The following AXL variants were observed in gnomAD, a reference collection of about 807,000 sequenced individuals.
AXL encodes AXL receptor tyrosine kinase.
A neutral mutation model predicts 104.5 loss-of-function variants in AXL; 52 were observed. That is an observed-to-expected ratio of 0.50 (90% CI 0.40 to 0.63). The LOEUF is 0.63. AXL is among the 20% of genes least tolerant of loss of function. AXL has a pLI of 0.00. For missense variants in AXL, 1,024 were observed against 1,188.5 expected, an observed-to-expected ratio of 0.86 and a Z score of 2.04; for synonymous variants, 455 against 473.7, an observed-to-expected ratio of 0.96 and a Z score of 0.51.
At position 41,256,563 on chromosome 19, in the gene AXL, TG is replaced by T. The variant is rs749743364; in HGVS notation, c.2149del (p.Ala717ProfsTer5). On this transcript the variant is annotated frameshift_variant, in exon 18 of 20. Transcript: ENST00000301178. LOFTEE classifies it high-confidence loss of function. ...TCGCCAAGATGCCAGTCAAGTGGAT[TG>T]CCATTGAGAGTCTAGCTGACCGTGT... ...RIAKMPVKWI[A>X]IESLADRVYT... 6.8e-6 allele frequency: 11 copies of T among 1,614,208 alleles called. No individual in the cohort carries two copies. Among genetic ancestry groups the T allele is most frequent in the Non-Finnish European group, 9.3e-6 (11 of 1,180,030 alleles).
At position 41,219,255 on chromosome 19, in the gene AXL, A is replaced by C. The variant is rs1247976712; in HGVS notation, c.-138A>C. ...CGGCTGCTGGGCAGAGCCGGTGGCA[A>C]GGGCCTCCCCTGCCGCTGTGCCAGG... On this transcript the variant is annotated 5_prime_UTR_variant, in exon 1 of 20. Transcript: ENST00000301178. 5 of 776,132 alleles carry C rather than the reference A, an allele frequency of 6.4e-6. No homozygotes were observed. In the East Asian group the frequency reaches 1.4e-4, roughly 21 times the overall value. 48.1% of individuals were successfully genotyped at this position (776,132 alleles called of 1,614,324 possible).
chr19:41,259,960 G>A lies in AXL; in HGVS notation c.*56G>A. ...GATCCAAGCTAAGCACTGCCACTGG[G>A]GAAAACTCCACCTTCCCACTTTCCC... On this transcript the variant is annotated 3_prime_UTR_variant, in exon 20 of 20. Coordinates refer to ENST00000301178, the MANE Select transcript of AXL (RefSeq NM_021913.5). 1 of 1,448,668 alleles carries A rather than the reference G, an allele frequency of 6.9e-7. No individual in the cohort carries two copies. The highest frequency in any genetic ancestry group is 9.2e-7 in the Non-Finnish European group (1 of 1,081,422). The allele number at this position is 1,448,668 out of a possible 1,614,324, so 89.7% of individuals were successfully genotyped here.
chr19:41,230,921 C>G, intron 4 of AXL, 46 bp from the exon 5 acceptor site: 3 of 1,596,378 alleles, frequency 1.9e-6, no homozygotes, highest in Non-Finnish European at 2.6e-6. Context: ...CGGAGCCCTT[C>G]CTGCCCCTCT....
In AXL at chr19:41,219,472, C is replaced by A. The variant is rs1000076660; in HGVS notation, c.80C>A (p.Pro27His). The change falls in exon 1 of 20, where the codon CCC becomes CAC. Residue 27 changes from proline (P) to histidine (H), a missense_variant. Around this residue, in one of 5 missense-constraint regions of AXL, gnomAD observed 124 missense variants for 115.5 expected, o/e 1.07. Transcript: ENST00000301178. ...LALCGWACMA[P>H]RGTQAEESPF... The stretch of plus-strand genomic sequence containing the variant: ...CTGTGCGGCTGGGCGTGCATGGCCC[C>A]CAGGGGTGAGTGATGGGGGCTCCTT... The A allele has an allele frequency of 2.5e-6, 4 of 1,603,782 alleles. No homozygotes were observed. In the East Asian group the frequency reaches 9.0e-5, roughly 36 times the overall value.
chr19:41,225,356 C>A (rs542500656), intron 4 of AXL, among the ~76,000 whole-genome samples: 1 of 152,296 alleles, frequency 6.6e-6, no homozygotes, highest in South Asian at 2.1e-4. Context: ...AACCTGGGCG[C>A]ATCCAGCTCC....
At chr19:41,232,375 A>G (rs557195228) in intron 6 of AXL, among the ~76,000 whole-genome samples, 2 of 152,272 alleles carry the variant, frequency 1.3e-5, no homozygotes, top group East Asian at 3.9e-4. Flanking sequence ...TAACCCCAGC[A>G]CTTTGGGAGG....
chr19:41,232,229 A>G (rs1371515473), intron 6 of AXL, among the ~76,000 whole-genome samples: 1 of 152,242 alleles, frequency 6.6e-6, no homozygotes, highest in East Asian at 1.9e-4. Context: ...TGCCCAGCAC[A>G]GGACCAGACA....
rs377557127 is a variant in AXL at position 41,248,621 on chromosome 19, G to A, written c.1633+12G>A. 4.4e-5 allele frequency: 71 copies of A among 1,613,658 alleles called. No homozygotes were observed. The highest frequency in any genetic ancestry group is 4.2e-4 in the South Asian group (38 of 91,050). On this transcript the variant is annotated intron_variant, in intron 13 of 19. Transcript: ENST00000301178. ...GACTCTGGGAGAGGGTGAGTCCCCC[G>A]GCAGCATACACACATCCTTCTGAAC...
rs2122277541 is a variant in AXL at position 41,252,979 on chromosome 19, T to C, written c.1926+12T>C. ...GGGACCAGCCAGTGGTAAGGGGCGT[T>C]TAATCATTCAGTCTACAAATATTAA... On this transcript the variant is annotated intron_variant, in intron 16 of 19. Transcript: ENST00000301178. 6.2e-7 allele frequency: 1 copy of C among 1,613,830 alleles called. No homozygotes were observed. The highest frequency in any genetic ancestry group is 8.5e-7 in the Non-Finnish European group (1 of 1,179,836).
intron 10 of AXL, 96 bp from the exon 11 acceptor site, chr19:41,242,787 C>T (rs1380409859): frequency 1.1e-5 from 16 of 1,497,038 alleles, no homozygotes; most frequent in East Asian, 6.8e-5. Context: ...ACATCTTTGC[C>T]GAGGCCTTCT....
chr19:41,226,463 T>C (rs574947711), intron 4 of AXL, among the ~76,000 whole-genome samples: 2 of 152,296 alleles, frequency 1.3e-5, no homozygotes, highest in East Asian at 3.9e-4. Flanking sequence ...CACCTGACCT[T>C]GTCTGGGAAC....
At chr19:41,229,139 C>T (rs895236507) in intron 4 of AXL, among the ~76,000 whole-genome samples, 12 of 151,874 alleles carry the variant, frequency 7.9e-5, no homozygotes, top group African/African-American at 2.7e-4. Context: ...TTAGTAGAGA[C>T]GAGGTTTCAC....
At chr19:41,224,236 C>T (rs979083973) in intron 4 of AXL, among the ~76,000 whole-genome samples, 2 of 151,972 alleles carry the variant, frequency 1.3e-5, no homozygotes, top group African/African-American at 4.8e-5. Context: ...CTATGGTGCA[C>T]ACCTCTCTGT....
chr19:41,243,776 C>A, intron 12 of AXL, 69 bp downstream of exon 12: 2 of 1,411,814 alleles, frequency 1.4e-6, no homozygotes, highest in Non-Finnish European at 2.0e-6. Flanking sequence ...GCCTGCTGGG[C>A]TTCTGTACAT....
chr19:41,241,172 T>G (rs2034174558), intron 10 of AXL, among the ~76,000 whole-genome samples: 1 of 152,186 alleles, frequency 6.6e-6, no homozygotes, highest in South Asian at 2.1e-4. Context: ...CCCCAACTTT[T>G]CCAGCAGCCA....
At chr19:41,256,326 A>G in intron 17 of AXL, 126 bp from the exon 18 acceptor site, 1 of 1,137,264 alleles carries the variant, frequency 8.8e-7, no homozygotes, top group Non-Finnish European at 1.3e-6. Flanking sequence ...AAGGTTTAGG[A>G]GACAGATCCC....
Position 41,259,924 on chromosome 19 carries a change from C to T in AXL, c.*20C>T, listed in dbSNP as rs1221102732. The stretch of plus-strand genomic sequence containing the variant: ...GCCTGAGACAACCCTCCACCTGGTA[C>T]TCCCTCTCAGGATCCAAGCTAAGCA... On this transcript the variant is annotated 3_prime_UTR_variant, in exon 20 of 20. Transcript: ENST00000301178. 3 of 1,529,840 alleles carry T rather than the reference C, an allele frequency of 2.0e-6. No individual in the cohort carries two copies. The highest frequency in any genetic ancestry group is 1.3e-5 in the South Asian group (1 of 78,376). 94.8% of individuals were successfully genotyped at this position (1,529,840 alleles called of 1,614,324 possible).
chr19:41,220,975 A>G, intron 2 of AXL, 117 bp downstream of exon 2: 1 of 1,300,634 alleles, frequency 7.7e-7, no homozygotes, highest in Middle Eastern at 1.9e-4. Flanking sequence ...TGAGCATGTG[A>G]TGGAACCTCT....
intron 14 of AXL, among the ~76,000 whole-genome samples, chr19:41,251,549 C>T (rs189638376): frequency 4.8e-5 from 7 of 145,424 alleles, no homozygotes; most frequent in Admixed American, 2.8e-4. Context: ...GGGACAAGGG[C>T]GAAACTCCAT....
Sources: allele counts gnomAD v4.1 joint callset (sites outside exome capture counted in the v4.1 genomes callset), GRCh38; gene constraint gnomAD v4.1.1; regional missense constraint gnomAD v4.1.1; transcripts MANE v1.5; gene names NCBI Gene and HGNC (gene_info 2026-07-23, HGNC 2026-07-21).